Variants in PMFBP1 observed in about 807,000 individuals in gnomAD.
The protein encoded by PMFBP1 is polyamine modulated factor 1 binding protein 1.
PMFBP1 carries 131 observed loss-of-function variants against 137.8 expected under a neutral mutation model. The observed-to-expected ratio is 0.95, with a 90% CI of 0.82 to 1.10. The LOEUF is 1.10. PMFBP1 is among the 50% of genes least tolerant of loss of function. The pLI is 0.00. For missense variants in PMFBP1, 1,199 were observed against 1,175.4 expected, an observed-to-expected ratio of 1.02 and a Z score of -0.29; for synonymous variants, 490 against 450.4, an observed-to-expected ratio of 1.09 and a Z score of -1.11.
At chr16:72,158,104 A>G (rs964492830) in intron 3 of PMFBP1, among the ~76,000 whole-genome samples, 4 of 152,162 alleles carry the variant, frequency 2.6e-5, no homozygotes, top group Non-Finnish European at 4.4e-5. Flanking sequence ...AACCAGAAAG[A>G]TGATAGCTGA....
rs2042887137 is a variant in PMFBP1 at position 72,150,630 on chromosome 16, TC to T, written c.613del (p.Glu205AsnfsTer27). 6.2e-7 allele frequency: 1 copy of T among 1,613,200 alleles called. No individual in the cohort carries two copies. Among genetic ancestry groups the T allele is most frequent in the Non-Finnish European group, 8.5e-7 (1 of 1,179,980 alleles). ...LECQVKMLQG[E>X]LGGIMGQEPE... ...TACCTGACCCATGATCCCGCCGAGT[TC>T]CCCCTGCAACATCTTCACTTGGCAT... On this transcript the variant is annotated frameshift_variant, in exon 5 of 21. Transcript: ENST00000237353. LOFTEE classifies it high-confidence loss of function.
At chr16:72,249,504 G>A in the PMFBP1 span, among the ~76,000 whole-genome samples, 6,792 of 151,790 alleles carry the variant, frequency 0.045, 207 homozygotes, top group Non-Finnish European at 0.072. Context: ...ATACCATTTT[G>A]ATATGTTTAT....
chr16:72,124,970 G>A (rs958426892), intron 16 of PMFBP1, 36 bp from the exon 17 acceptor site: 14 of 1,605,036 alleles, frequency 8.7e-6, no homozygotes, highest in Non-Finnish European at 1.2e-5. Flanking sequence ...GGGGACTCCA[G>A]CTGGCCTCCC....
intron 3 of PMFBP1, among the ~76,000 whole-genome samples, chr16:72,162,412 A>C (rs1260096329): frequency 6.6e-6 from 1 of 152,214 alleles, no homozygotes; most frequent in African/African-American, 2.4e-5. Flanking sequence ...CTTTTGTTAT[A>C]CATAACAGCT....
At chr16:72,206,343 T>A in the PMFBP1 span, among the ~76,000 whole-genome samples, 2 of 152,188 alleles carry the variant, frequency 1.3e-5, no homozygotes, top group Admixed American at 1.3e-4. Flanking sequence ...GACCTGCACC[T>A]CTTTACAACT....
At chr16:72,180,021 T>C (rs2043270914), upstream of PMFBP1, among the ~76,000 whole-genome samples, 1 of 152,214 alleles carries the variant, frequency 6.6e-6, no homozygotes, top group Non-Finnish European at 1.5e-5. Context: ...GCATGCCCAG[T>C]CTGTCCACTA....
chr16:72,128,325 A>G, intron 14 of PMFBP1: 1 of 1,224,758 alleles, frequency 8.2e-7, no homozygotes, highest in Non-Finnish European at 1.0e-6. Flanking sequence ...CTTTGTGACA[A>G]GTTTTGGAAG....
At chr16:72,143,843 C>T (rs28432692) in intron 5 of PMFBP1, among the ~76,000 whole-genome samples, 44,289 of 151,790 alleles carry the variant, frequency 0.29, 6,843 homozygotes, top group South Asian at 0.41. Context: ...GAGTTCGAGG[C>T]CAGCCTGACC....
the PMFBP1 span, among the ~76,000 whole-genome samples, chr16:72,245,690 G>C: frequency 2.0e-5 from 3 of 152,134 alleles, no homozygotes; most frequent in Non-Finnish European, 4.4e-5. Flanking sequence ...TGCTGTCACA[G>C]GTGTAGTGCA....
chr16:72,211,393 C>A, the PMFBP1 span, among the ~76,000 whole-genome samples: 1 of 152,282 alleles, frequency 6.6e-6, no homozygotes, highest in South Asian at 2.1e-4. Context: ...CTTCCCCATA[C>A]AAACATTCTC....
chr16:72,203,670 C>T, the PMFBP1 span, among the ~76,000 whole-genome samples: 2 of 152,166 alleles, frequency 1.3e-5, no homozygotes, highest in Non-Finnish European at 2.9e-5. Context: ...TGGTGGCTTC[C>T]TGATCACCAA....
At chr16:72,230,895 G>C in the PMFBP1 span, among the ~76,000 whole-genome samples, 1 of 152,088 alleles carries the variant, frequency 6.6e-6, no homozygotes, top group South Asian at 2.1e-4. Flanking sequence ...TAATCAATCT[G>C]GATGAAAAAG....
chr16:72,218,577 G>A, the PMFBP1 span, among the ~76,000 whole-genome samples: 16 of 152,160 alleles, frequency 1.1e-4, no homozygotes, highest in Admixed American at 4.6e-4. Flanking sequence ...CACCGCACCC[G>A]GCCTAATACT....
intron 5 of PMFBP1, among the ~76,000 whole-genome samples, chr16:72,145,253 A>T (rs1425370840): frequency 6.6e-6 from 1 of 152,248 alleles, no homozygotes; most frequent in East Asian, 1.9e-4. Context: ...AACTGCATGG[A>T]AACTGAACAA....
chr16:72,217,223 T>C, the PMFBP1 span, among the ~76,000 whole-genome samples: 2 of 152,160 alleles, frequency 1.3e-5, no homozygotes, highest in South Asian at 4.1e-4. Context: ...AAAAGACATA[T>C]GCATATGTAC....
the PMFBP1 span, among the ~76,000 whole-genome samples, chr16:72,249,926 A>G: frequency 6.7e-6 from 1 of 149,892 alleles, no homozygotes; most frequent in Admixed American, 6.6e-5. Flanking sequence ...ATCGCAAAAA[A>G]AAAAAAAAAA....
intron 10 of PMFBP1, among the ~76,000 whole-genome samples, chr16:72,131,826 A>T (rs1024592258): frequency 2.6e-5 from 4 of 152,196 alleles, no homozygotes; most frequent in African/African-American, 9.7e-5. Flanking sequence ...TAAGTAATTC[A>T]TATAACATAA....
the PMFBP1 span, among the ~76,000 whole-genome samples, chr16:72,222,729 T>C: frequency 6.6e-6 from 1 of 152,210 alleles, no homozygotes; most frequent in Admixed American, 6.5e-5. Flanking sequence ...GGGGATAGTA[T>C]TAGTACTTAC....
At chr16:72,147,784 C>T (rs1009213934) in intron 5 of PMFBP1, among the ~76,000 whole-genome samples, 12 of 152,066 alleles carry the variant, frequency 7.9e-5, no homozygotes, top group Non-Finnish European at 1.3e-4. Flanking sequence ...TCATCATCAC[C>T]GGTCATTAGA....
Sources: gnomAD v4.1 joint callset for allele counts (sites outside exome capture counted in the v4.1 genomes callset) on GRCh38, gnomAD v4.1.1 for gene constraint, MANE v1.5 for transcripts, NCBI Gene and HGNC (gene_info 2026-07-23, HGNC 2026-07-21) for gene names.